DSE: variants seen among roughly 807,000 people sequenced by gnomAD.
The protein encoded by DSE is dermatan-sulfate epimerase.
DSE carries 36 observed loss-of-function variants against 84.4 expected under a neutral mutation model. That is an observed-to-expected ratio of 0.43 (90% confidence interval 0.33 to 0.56). The LOEUF is 0.56. Among genes scored for constraint, DSE ranks in the 20% least tolerant of loss-of-function variants. The probability of loss-of-function intolerance (pLI) is 0.06; values close to 1 mark genes in which losing one functional copy is unlikely to be tolerated. For missense variants in DSE, 862 were observed against 1,169.6 expected (o/e 0.74, Z 3.84); for synonymous variants, 410 against 430.1 (o/e 0.95, Z 0.58).
chr6:116,324,763 A>G (rs1403215234), intron 2 of DSE, among the ~76,000 whole-genome samples: 2 of 152,222 alleles, frequency 1.3e-5, no homozygotes, highest in Non-Finnish European at 2.9e-5. Context: ...ACTTCTTTCC[A>G]TTGCATTGAT....
At chr6:116,357,252 G>C (rs1474920971) in intron 2 of DSE, among the ~76,000 whole-genome samples, 2 of 152,168 alleles carry the variant, frequency 1.3e-5, no homozygotes, top group East Asian at 3.9e-4. Flanking sequence ...CAAGTTATCA[G>C]CCGGGCACGG....
In DSE at chr6:116,431,093, C is replaced by T. The variant is rs765968993; in HGVS notation, c.810C>T (p.Phe270=). The T allele has an allele frequency of 1.9e-6, 3 of 1,614,180 alleles. No individual in the cohort carries two copies. The South Asian group carries it at 3.3e-5, about 18-fold the overall frequency. Residue 270 remains phenylalanine, a synonymous_variant, in exon 4 of 6, where the codon TTC becomes TTT. Coordinates refer to ENST00000644252, the MANE Select transcript of DSE (RefSeq NM_013352.4). ...GCAGCTACACCACTAGATCACTCTT[C>T]CAATACATGTTTCTCGTCCAGAGGC... ...AYGSYTTRSL[F]QYMFLVQRHF...
chr6:116,283,391 C>T (rs1773661916), intron 2 of DSE, among the ~76,000 whole-genome samples: 3 of 152,198 alleles, frequency 2.0e-5, no homozygotes, highest in Admixed American at 2.0e-4. Flanking sequence ...TGCTTCTCCT[C>T]TTAGGGACTA....
At chr6:116,335,913 T>A (rs1274139838) in intron 2 of DSE, among the ~76,000 whole-genome samples, 2 of 152,232 alleles carry the variant, frequency 1.3e-5, no homozygotes, top group African/African-American at 4.8e-5. Flanking sequence ...TTCCTTAAAG[T>A]TCAGTTTGAT....
chr6:116,420,683 T>A (rs1253846576), intron 2 of DSE, among the ~76,000 whole-genome samples: 3 of 152,242 alleles, frequency 2.0e-5, no homozygotes, highest in African/African-American at 7.2e-5. Flanking sequence ...CAAATTTAAA[T>A]AATATTCTGT....
At chr6:116,422,466 T>C (rs1013766460) in intron 2 of DSE, among the ~76,000 whole-genome samples, 2 of 152,258 alleles carry the variant, frequency 1.3e-5, no homozygotes, top group South Asian at 2.1e-4. Context: ...CATTCTGTCA[T>C]GTAAAAATGT....
chr6:116,307,958 G>A (rs1289867080), intron 2 of DSE, among the ~76,000 whole-genome samples: 1 of 152,188 alleles, frequency 6.6e-6, no homozygotes, highest in Non-Finnish European at 1.5e-5. Context: ...TATCAACTCA[G>A]AGATTGCTTT....
At chr6:116,326,521 A>C (rs1303963514) in intron 2 of DSE, among the ~76,000 whole-genome samples, 1 of 152,094 alleles carries the variant, frequency 6.6e-6, no homozygotes, top group African/African-American at 2.4e-5. Flanking sequence ...GTCTCTTTTC[A>C]CTGTTTTGTG....
chr6:116,259,451 G>A (rs1373782603), intron 2 of DSE, among the ~76,000 whole-genome samples: 1 of 152,066 alleles, frequency 6.6e-6, no homozygotes, highest in African/African-American at 2.4e-5. Flanking sequence ...GGAGGAAAAG[G>A]ACAAAATTTC....
intron 2 of DSE, among the ~76,000 whole-genome samples, chr6:116,283,793 C>T (rs948160958): frequency 6.6e-6 from 1 of 152,186 alleles, no homozygotes; most frequent in East Asian, 1.9e-4. Flanking sequence ...ATCCGCCCGC[C>T]TCAGCCTCCC....
intron 2 of DSE, among the ~76,000 whole-genome samples, chr6:116,269,805 G>A (rs1772806373): frequency 2.0e-5 from 3 of 152,238 alleles, no homozygotes; most frequent in Admixed American, 1.3e-4. Flanking sequence ...GTTGCTCAAA[G>A]TCACATTTTC....
intron 2 of DSE, among the ~76,000 whole-genome samples, chr6:116,351,048 A>G (rs898584113): frequency 6.6e-6 from 1 of 152,194 alleles, no homozygotes; most frequent in Non-Finnish European, 1.5e-5. Flanking sequence ...AAATTGACTA[A>G]TATTATTGCT....
upstream of DSE, among the ~76,000 whole-genome samples, chr6:116,368,437 T>C (rs73767754): frequency 1.7e-3 from 264 of 152,316 alleles, 2 homozygotes; most frequent in African/African-American, 6.2e-3. Context: ...GTTATATCAA[T>C]GATACCCAAT....
At chr6:116,403,126 G>A (rs62425177) in intron 2 of DSE, among the ~76,000 whole-genome samples, 32,183 of 151,948 alleles carry the variant, frequency 0.21, 4,470 homozygotes, top group Middle Eastern at 0.38. Context: ...GTATCCAGAC[G>A]ACTGGGCACC....
chr6:116,422,280 C>A (rs1783140628), intron 2 of DSE, among the ~76,000 whole-genome samples: 1 of 152,234 alleles, frequency 6.6e-6, no homozygotes, highest in Admixed American at 6.5e-5. Context: ...AGCTCTTAAG[C>A]TCTTGGTAGT....
At chr6:116,258,664 A>C in exon 2 of DSE, 1 of 1,611,854 alleles carries the variant, frequency 6.2e-7, no homozygotes, top group South Asian at 1.1e-5. Flanking sequence ...CAGCAGCCAG[A>C]TGGCCTGATT....
intron 2 of DSE, among the ~76,000 whole-genome samples, chr6:116,336,439 A>G (rs1000010164): frequency 2.0e-5 from 3 of 152,210 alleles, no homozygotes; most frequent in African/African-American, 7.2e-5. Flanking sequence ...TACATGGTCT[A>G]ATGTATTTGC....
At chr6:116,403,714 T>C (rs546809989) in intron 2 of DSE, among the ~76,000 whole-genome samples, 16 of 152,264 alleles carry the variant, frequency 1.1e-4, no homozygotes, top group African/African-American at 3.9e-4. Context: ...ATATTGAAGT[T>C]TACAGTGACT....
At chr6:116,364,357 G>C (rs1779052760) in intron 2 of DSE, among the ~76,000 whole-genome samples, 1 of 152,234 alleles carries the variant, frequency 6.6e-6, no homozygotes, top group South Asian at 2.1e-4. Flanking sequence ...AAAGGACATA[G>C]AAACATGTCA....
Sources: allele counts gnomAD v4.1 joint callset (sites outside exome capture counted in the v4.1 genomes callset), GRCh38; gene constraint gnomAD v4.1.1; transcripts MANE v1.5; gene names NCBI Gene and HGNC (gene_info 2026-07-23, HGNC 2026-07-21).